Variants in CPAMD8 observed in about 807,000 individuals in gnomAD.
The protein encoded by CPAMD8 is C3 and PZP like alpha-2-macroglobulin domain containing 8, also known as C3 and PZP-like alpha-2-macroglobulin domain-containing protein 8.
CPAMD8 carries 146 observed loss-of-function variants against 224.7 expected under a neutral mutation model. The observed-to-expected ratio is 0.65, with a 90% confidence interval of 0.57 to 0.75. The LOEUF is 0.75. Ranked by LOEUF, CPAMD8 falls within the 30% of genes least tolerant of loss-of-function variation. CPAMD8 has a pLI of 0.00. For synonymous variants in CPAMD8, 966 were observed against 1,044.6 expected (o/e 0.92, Z 1.45); for missense variants, 2,301 against 2,537.5 (o/e 0.91, Z 2.00).
intron 41 of CPAMD8, chr19:16,895,710 C>G (rs2051934642): frequency 2.9e-6 from 1 of 347,070 alleles, no homozygotes; most frequent in Non-Finnish European, 5.8e-6. Flanking sequence ...TCTTTTTGAG[C>G]AGCGACTTGA....
chr19:16,945,919 G>A (rs1242436644), intron 21 of CPAMD8, among the ~76,000 whole-genome samples: 6 of 152,278 alleles, frequency 3.9e-5, no homozygotes, highest in South Asian at 4.1e-4. Context: ...TTGTGTGTAC[G>A]AGTTTGTGCA....
chr19:16,998,593 G>A (rs60362353), intron 10 of CPAMD8, among the ~76,000 whole-genome samples: 49,960 of 152,098 alleles, frequency 0.33, 8,641 homozygotes, highest in East Asian at 0.5. Context: ...GGGAGGAGCC[G>A]GTGCTGAAAG....
chr19:16,951,714 A>C (rs2054301627), intron 20 of CPAMD8, among the ~76,000 whole-genome samples: 1 of 151,562 alleles, frequency 6.6e-6, no homozygotes, highest in African/African-American at 2.4e-5. Context: ...CCTCCTCCTC[A>C]CCCGGCTTTG....
intron 18 of CPAMD8, among the ~76,000 whole-genome samples, chr19:16,961,807 G>T (rs978873368): frequency 6.6e-6 from 1 of 152,184 alleles, no homozygotes; most frequent in African/African-American, 2.4e-5. Context: ...CCTCTGAGAC[G>T]AAGCTTCCAG....
chr19:16,975,532 C>A (rs1296690681), intron 16 of CPAMD8, among the ~76,000 whole-genome samples: 1 of 152,006 alleles, frequency 6.6e-6, no homozygotes, highest in Non-Finnish European at 1.5e-5. Flanking sequence ...CATAGCAAGA[C>A]CCCGCCCCTA....
rs1238240889 is a variant in CPAMD8 at position 16,929,019 on chromosome 19, T to C, written c.3067A>G (p.Ser1023Gly). ...GAGAGGATCTTGGCCGTGTGTGCAC[T>C]GGCCACGGGCTCTCCCATCTTGCTG... The part of the protein sequence containing the change: ...STSKMGEPVA[S>G]AHTAKILSWD... The change falls in exon 24 of 42, where the codon AGT (serine) becomes GGT (glycine). Residue 1023 changes from serine to glycine, a missense_variant. Around this residue, in one of 4 missense-constraint regions of CPAMD8, gnomAD observed 1,709 missense variants for 1,753.2 expected, o/e 0.97. Coordinates refer to ENST00000443236, the MANE Select transcript of CPAMD8 (RefSeq NM_015692.5). The C allele has an allele frequency of 1.1e-5, 17 of 1,613,558 alleles. No individual in the cohort carries two copies. The highest frequency in any genetic ancestry group is 1.4e-5 in the Non-Finnish European group (17 of 1,179,602).
intron 23 of CPAMD8, among the ~76,000 whole-genome samples, chr19:16,937,930 G>C (rs1265168737): frequency 6.6e-6 from 1 of 152,140 alleles, no homozygotes; most frequent in Non-Finnish European, 1.5e-5. Flanking sequence ...TGGGATTATA[G>C]GCGTGAGCCT....
At chr19:17,008,849 A>T in intron 6 of CPAMD8, 1 of 485,106 alleles carries the variant, frequency 2.1e-6, no homozygotes, top group South Asian at 2.3e-5. Flanking sequence ...GCAGTTTGGG[A>T]GGCCAAGGTG....
chr19:16,930,682 G>A (rs900848191), intron 23 of CPAMD8, among the ~76,000 whole-genome samples: 6 of 152,060 alleles, frequency 3.9e-5, no homozygotes, highest in Admixed American at 6.6e-5. Context: ...CTAGATCCTC[G>A]TGGGCCACAG....
At chr19:17,020,012 T>C (rs2056913553) in intron 3 of CPAMD8, among the ~76,000 whole-genome samples, 1 of 150,012 alleles carries the variant, frequency 6.7e-6, no homozygotes. Context: ...TTTACTCTTG[T>C]TGCCCAGGCT....
At chr19:16,946,334 T>C (rs568897908) in intron 21 of CPAMD8, among the ~76,000 whole-genome samples, 1 of 150,428 alleles carries the variant, frequency 6.6e-6, no homozygotes, top group East Asian at 2.0e-4. Flanking sequence ...GATTTGTTTG[T>C]ATATGTATGT....
intron 18 of CPAMD8, among the ~76,000 whole-genome samples, chr19:16,966,784 A>G (rs1430844734): frequency 6.6e-6 from 1 of 152,224 alleles, no homozygotes; most frequent in Non-Finnish European, 1.5e-5. Context: ...CAAAACCACA[A>G]TGAGATACCA....
intron 27 of CPAMD8, among the ~76,000 whole-genome samples, chr19:16,915,617 GC>G (rs952066929): frequency 6.6e-6 from 1 of 152,166 alleles, no homozygotes; most frequent in African/African-American, 2.4e-5. Flanking sequence ...AGCTGGCAAG[GC>G]CAGGGAATGA....
Position 16,943,817 on chromosome 19 carries a change from C to T in CPAMD8, c.2793+1732G>A, listed in dbSNP as rs143249615. On this transcript the variant is annotated intron_variant, in intron 22 of 41. Coordinates refer to ENST00000443236, the MANE Select transcript of CPAMD8 (RefSeq NM_015692.5). ...CCAACACTCTCATTTAACCATCCAA[C>T]GCTTCCATCCGAATCTGGGGCTCTC... is the stretch of plus-strand genomic sequence containing the variant. Among the ~76,000 whole-genome samples the T allele has an allele frequency of 5.0e-3, 764 of 152,266 alleles. 5 individuals are homozygous for T. The highest frequency in any genetic ancestry group is 0.012 in the Admixed American group (178 of 15,284).
At chr19:16,942,443 C>T (rs1406012840) in intron 22 of CPAMD8, among the ~76,000 whole-genome samples, 1 of 152,162 alleles carries the variant, frequency 6.6e-6, no homozygotes, top group East Asian at 1.9e-4. Flanking sequence ...GCCTGGGCGA[C>T]AGAGTGAGAC....
intron 41 of CPAMD8, 35 bp from the exon 42 acceptor site, chr19:16,893,374 C>G: frequency 7.1e-7 from 1 of 1,407,802 alleles, no homozygotes; most frequent in South Asian, 1.3e-5. Context: ...ACATCCTCTA[C>G]AGCAAGTGGG....
At position 16,893,322 on chromosome 19, in the gene CPAMD8, CGAGG is replaced by C; in HGVS notation, c.5440_5443del (p.Pro1814GlyfsTer4). 1 of 1,537,116 alleles carries C rather than the reference CGAGG, an allele frequency of 6.5e-7. No homozygotes were observed. The highest frequency in any genetic ancestry group is 2.0e-5 in the Admixed American group (1 of 51,138). On this transcript the variant is annotated frameshift_variant, in exon 42 of 42. Coordinates refer to ENST00000443236, the MANE Select transcript of CPAMD8 (RefSeq NM_015692.5). LOFTEE classifies it low-confidence loss of function (END_TRUNC). ...CAGGTTCCCGCTGCTCACAGGAGGC[CGAGG>C]CCCGGCTGTGACCCTGGAGATGAGG...
In CPAMD8 at chr19:17,020,319, T is replaced by C; in HGVS notation, c.267+12A>G. The C allele has an allele frequency of 1.9e-6, 3 of 1,576,988 alleles. No individual in the cohort carries two copies. Among genetic ancestry groups the C allele is most frequent in the Non-Finnish European group, 2.6e-6 (3 of 1,146,872 alleles). On this transcript the variant is annotated intron_variant, in intron 3 of 41. Transcript: ENST00000443236. ...AAGGTCAGGTTTATGATTTTAAAAATCAACGGCTTACCTTGAGTTTGATTG... is the reference window on the plus strand; with the variant it reads ...AAGGTCAGGTTTATGATTTTAAAAACCAACGGCTTACCTTGAGTTTGATTG...
chr19:16,928,156 TG>T lies in CPAMD8; in HGVS notation c.3222del (p.Phe1074LeufsTer58), dbSNP rs1345138337. 6.2e-6 allele frequency: 10 copies of T among 1,614,052 alleles called. No individual in the cohort carries two copies. The highest frequency in any genetic ancestry group is 8.5e-6 in the Non-Finnish European group (10 of 1,180,044). On this transcript the variant is annotated frameshift_variant, in exon 25 of 42. Coordinates refer to ENST00000443236, the MANE Select transcript of CPAMD8 (RefSeq NM_015692.5). LOFTEE classifies it high-confidence loss of function. ...WTLPRPPEVQFIGFSTGWGSM... is the reference protein window; with the variant it reads ...WTLPRPPEVQXIGFSTGWGSM... Reference sequence around the variant, plus strand: ...GAGCCCCAGCCGGTGGAAAAGCCAATGAACTGGACCTCTGGTGGCCTCGGGA... The same window carrying T: ...GAGCCCCAGCCGGTGGAAAAGCCAATAACTGGACCTCTGGTGGCCTCGGGA...
Sources: allele counts gnomAD v4.1 joint callset (sites outside exome capture counted in the v4.1 genomes callset), GRCh38; gene constraint gnomAD v4.1.1; regional missense constraint gnomAD v4.1.1; transcripts MANE v1.5; gene names NCBI Gene and HGNC (gene_info 2026-07-23, HGNC 2026-07-21).